The following TRPV5 variants were observed in gnomAD, a reference collection of about 807,000 sequenced individuals.
TRPV5 encodes calcium transport protein 2.
TRPV5 carries 66 observed loss-of-function variants against 74.1 expected under a neutral mutation model. The ratio of observed to expected loss-of-function variants is 0.89; its 90% CI spans 0.73 to 1.09. TRPV5 has a LOEUF of 1.09. Among genes scored for constraint, TRPV5 ranks in the 50% least tolerant of loss-of-function variants. The pLI is 0.00. For missense variants in TRPV5, 936 were observed against 930.4 expected (o/e 1.01, Z -0.08); for synonymous variants, 399 against 360.7 (o/e 1.11, Z -1.20).
chr7:142,911,122 C>T (rs549007665), intron 13 of TRPV5, among the ~76,000 whole-genome samples: 4 of 152,140 alleles, frequency 2.6e-5, no homozygotes, highest in Admixed American at 1.3e-4. Flanking sequence ...CTCGGAGCTG[C>T]GTGTTGCATT....
intron 8 of TRPV5, among the ~76,000 whole-genome samples, chr7:142,923,147 C>T (rs1795912255): frequency 6.6e-6 from 1 of 152,074 alleles, no homozygotes; most frequent in Non-Finnish European, 1.5e-5. Flanking sequence ...GACTGAGATC[C>T]CTGTGATCCC....
In TRPV5 at chr7:142,928,873, A is replaced by C. The variant is rs768876240; in HGVS notation, c.587-7T>G. The C allele has an allele frequency of 6.2e-7, 1 of 1,613,776 alleles. No homozygotes were observed. The highest frequency in any genetic ancestry group is 8.5e-7 in the Non-Finnish European group (1 of 1,179,824). On this transcript the variant is annotated splice_polypyrimidine_tract_variant and splice_region_variant and intron_variant, in intron 5 of 14. Transcript: ENST00000265310. Reference sequence around the variant, plus strand: ...ATGTGTAATACTGTGTTTCCTGGGGAGGACGCAGGGTATCATGTGGCCACT... The same window carrying C: ...ATGTGTAATACTGTGTTTCCTGGGGCGGACGCAGGGTATCATGTGGCCACT...
chr7:142,917,594 G>A (rs1795822836), intron 8 of TRPV5, among the ~76,000 whole-genome samples: 1 of 152,168 alleles, frequency 6.6e-6, no homozygotes, highest in Non-Finnish European at 1.5e-5. Context: ...TCCTGCTGGG[G>A]CTTCCTCTCA....
At chr7:142,931,249 C>T in intron 1 of TRPV5, among the ~76,000 whole-genome samples, 1 of 152,034 alleles carries the variant, frequency 6.6e-6, no homozygotes, top group South Asian at 2.1e-4. Flanking sequence ...ATCTCGAACT[C>T]CTGAGCTCAG....
chr7:142,918,158 C>A (rs1464443810), intron 8 of TRPV5, among the ~76,000 whole-genome samples: 2 of 152,180 alleles, frequency 1.3e-5, no homozygotes, highest in African/African-American at 4.8e-5. Context: ...AAACCCTAAG[C>A]CCAAACTGTA....
rs777544617 is a variant in TRPV5, at chr7:142,928,830, T to C, written c.623A>G (p.Asn208Ser). The change falls in exon 6 of 15, where the codon AAC becomes AGC. Residue 208 changes from asparagine to serine, a missense_variant. Coordinates refer to ENST00000265310, the MANE Select transcript of TRPV5 (RefSeq NM_019841.7). ...TVLHILILQP[N>S]KTFACQMYNL... Reference sequence around the variant, plus strand: ...GTACATCTGGCAGGCAAAGGTTTTGTTGGGCTGGAGGATGAGGATGTGTAA... The same window carrying C: ...GTACATCTGGCAGGCAAAGGTTTTGCTGGGCTGGAGGATGAGGATGTGTAA... 2.5e-6 allele frequency: 4 copies of C among 1,614,154 alleles called. No homozygotes were observed. The highest frequency in any genetic ancestry group is 1.7e-5 in the Admixed American group (1 of 60,024).
At chr7:142,932,183 T>G (rs78357866) in intron 1 of TRPV5, among the ~76,000 whole-genome samples, 5,477 of 152,062 alleles carry the variant, frequency 0.036, 137 homozygotes, top group Non-Finnish European at 0.051. Context: ...GGGCTGAGAT[T>G]GCAAATTCAC....
intron 1 of TRPV5, 65 bp from the exon 2 acceptor site, chr7:142,930,511 G>A (rs1796071507): frequency 1.7e-6 from 2 of 1,202,548 alleles, no homozygotes; most frequent in East Asian, 4.7e-5. Flanking sequence ...AGAGCAAAGG[G>A]GATCTAAGAC....
At chr7:142,924,462 G>A (rs1446924048) in intron 8 of TRPV5, among the ~76,000 whole-genome samples, 1 of 149,968 alleles carries the variant, frequency 6.7e-6, no homozygotes, top group South Asian at 2.1e-4. Flanking sequence ...CTAGCATAGG[G>A]TTCATTTGGG....
intron 13 of TRPV5, among the ~76,000 whole-genome samples, chr7:142,910,066 T>C (rs772537162): frequency 9.2e-5 from 14 of 152,206 alleles, no homozygotes; most frequent in Non-Finnish European, 2.1e-4. Flanking sequence ...CAGGGAAATT[T>C]CTGGTAGCAA....
At chr7:142,915,822 G>T (rs970263497) in intron 8 of TRPV5, among the ~76,000 whole-genome samples, 11 of 152,190 alleles carry the variant, frequency 7.2e-5, no homozygotes, top group Admixed American at 2.6e-4. Flanking sequence ...CTTTTCTATA[G>T]ATGCTGTAAG....
chr7:142,933,234 T>C (rs1241956741), intron 1 of TRPV5, 98 bp downstream of exon 1: 42 of 1,476,950 alleles, frequency 2.8e-5, no homozygotes, highest in Non-Finnish European at 3.6e-5. Flanking sequence ...GCACTGACAA[T>C]ACACTTCTAG....
At chr7:142,922,177 T>C (rs1419377873) in intron 8 of TRPV5, among the ~76,000 whole-genome samples, 4 of 152,224 alleles carry the variant, frequency 2.6e-5, no homozygotes, top group Admixed American at 1.3e-4. Context: ...TCATGTGTGT[T>C]TTGCTCAGAC....
intron 8 of TRPV5, among the ~76,000 whole-genome samples, chr7:142,923,633 A>C (rs1212408447): frequency 6.6e-6 from 1 of 152,180 alleles, no homozygotes; most frequent in Non-Finnish European, 1.5e-5. Flanking sequence ...GAAGGCAGAA[A>C]GGGTAAAAAT....
intron 7 of TRPV5, among the ~76,000 whole-genome samples, chr7:142,926,180 G>A (rs919928559): frequency 6.6e-6 from 1 of 152,192 alleles, no homozygotes; most frequent in African/African-American, 2.4e-5. Flanking sequence ...CATCATAAAT[G>A]CCAAGGTAGG....
intron 5 of TRPV5, 59 bp downstream of exon 5, chr7:142,928,963 C>T (rs1347354446): frequency 6.2e-7 from 1 of 1,612,708 alleles, no homozygotes; most frequent in East Asian, 2.2e-5. Context: ...AGCTCCACTC[C>T]TTACCCTGTC....
In TRPV5 at chr7:142,909,617, C is replaced by G. The variant is rs372565722; in HGVS notation, c.1789-21G>C. Reference sequence around the variant, plus strand: ...ACGACCTGGAAGGAGGCAGGAGATACAGGAAGAACTCTGAAAGAGCCATGA... The same window carrying G: ...ACGACCTGGAAGGAGGCAGGAGATAGAGGAAGAACTCTGAAAGAGCCATGA... On this transcript the variant is annotated intron_variant, in intron 13 of 14. Transcript: ENST00000265310. 18 of 1,611,130 alleles carry G rather than the reference C, an allele frequency of 1.1e-5. No homozygotes were observed. The African/African-American group carries it at 2.4e-4, about 22-fold the overall frequency.
chr7:142,933,230 A>C, intron 1 of TRPV5, 102 bp downstream of exon 1: 6 of 1,449,896 alleles, frequency 4.1e-6, no homozygotes, highest in Non-Finnish European at 5.6e-6. Flanking sequence ...ACTGGCACTG[A>C]CAATACACTT....
intron 3 of TRPV5, 131 bp downstream of exon 3, chr7:142,929,927 C>T: frequency 7.0e-7 from 1 of 1,423,744 alleles, no homozygotes. Context: ...TTTCTCCCAA[C>T]TCAACGGAGC....
Sources: allele counts gnomAD v4.1 joint callset (sites outside exome capture counted in the v4.1 genomes callset), GRCh38; gene constraint gnomAD v4.1.1; transcripts MANE v1.5; gene names NCBI Gene and HGNC (gene_info 2026-07-23, HGNC 2026-07-21).